Variants in PPP2R2B observed in about 807,000 individuals in gnomAD.
PPP2R2B encodes the protein serine/threonine-protein phosphatase 2A 55 kDa regulatory subunit B beta isoform.
A neutral mutation model predicts 46.0 loss-of-function variants in PPP2R2B; 5 were observed. The observed-to-expected ratio is 0.11, with a 90% CI of 0.06 to 0.23. The LOEUF is 0.23. PPP2R2B is among the 10% of genes least tolerant of loss of function. The probability of loss-of-function intolerance (pLI) is 1.00; values close to 1 mark genes in which losing one functional copy is unlikely to be tolerated. For missense variants in PPP2R2B, 367 were observed against 575.0 expected, an observed-to-expected ratio of 0.64 and a Z score of 3.70; for synonymous variants, 215 against 206.7, an observed-to-expected ratio of 1.04 and a Z score of -0.34.
chr5:147,057,774 A>T (rs1239446726), upstream of PPP2R2B, among the ~76,000 whole-genome samples: 1 of 152,220 alleles, frequency 6.6e-6, no homozygotes, highest in Non-Finnish European at 1.5e-5. Flanking sequence ...CTGCAGTTAG[A>T]CAGCCAGGGT....
chr5:146,839,567 G>GT (rs1369500127), intron 2 of PPP2R2B, among the ~76,000 whole-genome samples: 44 of 152,258 alleles, frequency 2.9e-4, no homozygotes, highest in African/African-American at 1.0e-3. Context: ...TAAAAATCAT[G>GT]TTTTTGTGTC....
In PPP2R2B at chr5:147,080,100, A is replaced by G. The variant is rs150548719; in HGVS notation, c.50+959T>C. Among the ~76,000 whole-genome samples the G allele has an allele frequency of 3.4e-3, 519 of 152,294 alleles. 4 individuals are homozygous for G. The highest frequency in any genetic ancestry group is 0.012 in the African/African-American group (491 of 41,560). On this transcript the variant is annotated intron_variant, in intron 2 of 10. Coordinates refer to the PPP2R2B transcript ENST00000394413. ...TTCTCTACAAAGGAATTATAGCAAG[A>G]TTTTAAATAAACTGCCTCTTTCAAA...
chr5:146,819,471 C>T (rs901599410), intron 2 of PPP2R2B, among the ~76,000 whole-genome samples: 2 of 152,138 alleles, frequency 1.3e-5, no homozygotes, highest in African/African-American at 4.8e-5. Context: ...TGGCACCTCT[C>T]TTTGAATGTG....
At chr5:146,828,135 A>G (rs879883619) in intron 2 of PPP2R2B, among the ~76,000 whole-genome samples, 27 of 152,084 alleles carry the variant, frequency 1.8e-4, no homozygotes, top group Admixed American at 1.6e-3. Flanking sequence ...CTCCTGCATG[A>G]TCATGCATTA....
chr5:146,655,219 C>A (rs1010959127), intron 5 of PPP2R2B, among the ~76,000 whole-genome samples: 1 of 152,140 alleles, frequency 6.6e-6, no homozygotes, highest in Admixed American at 6.5e-5. Flanking sequence ...GCCTGGACAC[C>A]CAGTATTATA....
intron 2 of PPP2R2B, among the ~76,000 whole-genome samples, chr5:146,843,055 C>T (rs1294361665): frequency 1.3e-5 from 2 of 152,262 alleles, no homozygotes; most frequent in Middle Eastern, 3.4e-3. Flanking sequence ...GGCGTGATGG[C>T]GCATGCCTGT....
intron 1 of PPP2R2B, among the ~76,000 whole-genome samples, chr5:147,044,486 A>G (rs1400024564): frequency 1.3e-5 from 2 of 152,196 alleles, no homozygotes; most frequent in Non-Finnish European, 2.9e-5. Context: ...TTTTCCTTGC[A>G]TAATATATTT....
intron 2 of PPP2R2B, among the ~76,000 whole-genome samples, chr5:146,745,094 T>C (rs1459978721): frequency 2.0e-5 from 3 of 151,924 alleles, no homozygotes; most frequent in Non-Finnish European, 4.4e-5. Flanking sequence ...GAAACCTGTG[T>C]CTTTGCAGCT....
chr5:146,923,230 T>C (rs752934237), intron 1 of PPP2R2B, among the ~76,000 whole-genome samples: 4 of 152,164 alleles, frequency 2.6e-5, no homozygotes, highest in Non-Finnish European at 4.4e-5. Context: ...CATCCTCATA[T>C]TTACTCTTCT....
At chr5:146,853,485 A>C (rs1055004569) in intron 2 of PPP2R2B, among the ~76,000 whole-genome samples, 1 of 152,130 alleles carries the variant, frequency 6.6e-6, no homozygotes, top group Admixed American at 6.6e-5. Flanking sequence ...TACTGCTAAT[A>C]AGGTGACTTT....
chr5:146,960,120 C>G (rs886425231), intron 1 of PPP2R2B, among the ~76,000 whole-genome samples: 1 of 152,170 alleles, frequency 6.6e-6, no homozygotes. Flanking sequence ...TAGAGGTCAT[C>G]TACCTCCAGC....
chr5:146,948,456 A>G (rs1764553888), intron 1 of PPP2R2B, among the ~76,000 whole-genome samples: 1 of 152,116 alleles, frequency 6.6e-6, no homozygotes, highest in South Asian at 2.1e-4. Context: ...TTCAATAAAT[A>G]TTAGCTATTA....
At chr5:146,988,288 C>A (rs1753524988) in intron 1 of PPP2R2B, among the ~76,000 whole-genome samples, 1 of 151,918 alleles carries the variant, frequency 6.6e-6, no homozygotes, top group South Asian at 2.1e-4. Flanking sequence ...TATTATAAAA[C>A]ATACCACTAA....
intron 2 of PPP2R2B, among the ~76,000 whole-genome samples, chr5:146,803,334 G>C (rs2151307959): frequency 6.6e-6 from 1 of 152,266 alleles, no homozygotes; most frequent in South Asian, 2.1e-4. Context: ...TGTTCTAAGA[G>C]AGTGCTGGGG....
chr5:147,028,230 T>A (rs903446191), intron 1 of PPP2R2B, among the ~76,000 whole-genome samples: 3 of 152,164 alleles, frequency 2.0e-5, no homozygotes, highest in Non-Finnish European at 4.4e-5. Context: ...ATTTTTCGGA[T>A]TCAGTAACCT....
upstream of PPP2R2B, chr5:146,878,761 G>T: frequency 7.5e-7 from 1 of 1,328,998 alleles, no homozygotes; most frequent in Non-Finnish European, 9.9e-7. This position sits in a 1 kb window ranked among gnomAD's most constrained non-coding sequence, Gnocchi z 4.5. Flanking sequence ...TGCTGCTGCA[G>T]GAGGCTGGAG....
At chr5:147,077,572 G>A (rs999124975) in intron 2 of PPP2R2B, among the ~76,000 whole-genome samples, 1 of 152,082 alleles carries the variant, frequency 6.6e-6, no homozygotes, top group Non-Finnish European at 1.5e-5. Flanking sequence ...CTTTCAACCA[G>A]ATTTTTAACT....
At chr5:146,591,484 G>A (rs1357087219) in intron 9 of PPP2R2B, among the ~76,000 whole-genome samples, 1 of 151,992 alleles carries the variant, frequency 6.6e-6, no homozygotes. Context: ...TCCCCTAAAA[G>A]GGTTTTACAG....
chr5:146,586,590 C>G lies in PPP2R2B; in HGVS notation c.*3357G>C, dbSNP rs1335817512. 1.3e-5 allele frequency: 2 copies of G among 152,198 alleles called. No individual in the cohort carries two copies. The highest frequency in any genetic ancestry group is 4.8e-5 in the African/African-American group (2 of 41,452). 9.4% of individuals were successfully genotyped at this position (152,198 alleles called of 1,614,324 possible). A position where few individuals can be genotyped will look rare whatever the true frequency, so the allele number is the denominator to read the frequency against. On this transcript the variant is annotated 3_prime_UTR_variant, in exon 10 of 10. Transcript: ENST00000394411. Reference sequence around the variant, plus strand: ...AGATAGCTGACTTATTTCATTGGGCCACTGAGCTAGCAGAATTTTAGCTTC... The same window carrying G: ...AGATAGCTGACTTATTTCATTGGGCGACTGAGCTAGCAGAATTTTAGCTTC...
Sources: gnomAD v4.1 joint callset for allele counts (sites outside exome capture counted in the v4.1 genomes callset) on GRCh38, gnomAD v4.1.1 for gene constraint, Gnocchi (gnomAD v3.1) non-coding constraint, MANE v1.5 for transcripts, NCBI Gene and HGNC (gene_info 2026-07-23, HGNC 2026-07-21) for gene names.